TMEM132B: variants seen among roughly 807,000 people sequenced by gnomAD.
TMEM132B encodes the protein transmembrane protein 132B.
Under a neutral mutation model 90.8 loss-of-function variants are expected in TMEM132B, and 18 were observed. The ratio of observed to expected loss-of-function variants is 0.20; its 90% CI spans 0.14 to 0.29. The LOEUF (loss-of-function observed/expected upper bound fraction) is 0.29, where lower values mean the gene tolerates loss of function less well. Among genes scored for constraint, TMEM132B ranks in the 10% least tolerant of loss-of-function variants. TMEM132B has a pLI of 1.00. For missense variants in TMEM132B, 1,096 were observed against 1,326.8 expected, an observed-to-expected ratio of 0.83 and a Z score of 2.70; for synonymous variants, 504 against 523.3, an observed-to-expected ratio of 0.96 and a Z score of 0.50.
chr12:125,337,070 T>G (rs1255063784), intron 1 of TMEM132B, among the ~76,000 whole-genome samples: 1 of 152,218 alleles, frequency 6.6e-6, no homozygotes, highest in Non-Finnish European at 1.5e-5. Context: ...CCCCTGCATC[T>G]GGCATGGCAT....
At chr12:125,203,344 C>T (rs1873108784) in intron 1 of TMEM132B, among the ~76,000 whole-genome samples, 1 of 152,168 alleles carries the variant, frequency 6.6e-6, no homozygotes, top group African/African-American at 2.4e-5. Flanking sequence ...GTTGATGCTA[C>T]CCCCTAGAGG....
chr12:125,534,770 A>G (rs1010314044), intron 4 of TMEM132B, among the ~76,000 whole-genome samples: 14 of 152,080 alleles, frequency 9.2e-5, no homozygotes, highest in Non-Finnish European at 2.1e-4. Context: ...GCTCTTTCAG[A>G]TGCCACAATT....
At chr12:125,193,375 T>C (rs1029591811) in intron 1 of TMEM132B, among the ~76,000 whole-genome samples, 1 of 152,198 alleles carries the variant, frequency 6.6e-6, no homozygotes, top group African/African-American at 2.4e-5. Flanking sequence ...TTTGCCTCAA[T>C]TTCCCTGCCC....
At chr12:125,336,236 T>C (rs1192057828) in intron 1 of TMEM132B, among the ~76,000 whole-genome samples, 1 of 152,226 alleles carries the variant, frequency 6.6e-6, no homozygotes, top group Admixed American at 6.5e-5. Context: ...GTAAGTGCAC[T>C]TGGACAGCAT....
intron 1 of TMEM132B, among the ~76,000 whole-genome samples, chr12:125,286,683 T>C (rs894100931): frequency 3.9e-5 from 6 of 152,072 alleles, no homozygotes; most frequent in African/African-American, 1.2e-4. Flanking sequence ...CTGTGTTCCT[T>C]CTGAGGCTCT....
intron 5 of TMEM132B, among the ~76,000 whole-genome samples, chr12:125,639,929 A>C (rs1346734152): frequency 6.6e-6 from 1 of 152,202 alleles, no homozygotes; most frequent in Non-Finnish European, 1.5e-5. Flanking sequence ...TCACCTGATA[A>C]AACGCCTCAA....
intron 4 of TMEM132B, among the ~76,000 whole-genome samples, chr12:125,545,530 C>T (rs1303940942): frequency 2.6e-5 from 4 of 152,232 alleles, no homozygotes; most frequent in African/African-American, 9.6e-5. Context: ...CCCTGCCACA[C>T]AGACACGAGA....
At chr12:125,469,792 C>T (rs1881662254) in intron 3 of TMEM132B, among the ~76,000 whole-genome samples, 1 of 152,180 alleles carries the variant, frequency 6.6e-6, no homozygotes, top group Non-Finnish European at 1.5e-5. Context: ...AGTATTCTTT[C>T]TCTGATTTTC....
intron 1 of TMEM132B, among the ~76,000 whole-genome samples, chr12:125,280,440 G>C (rs1565991241): frequency 6.6e-6 from 1 of 152,226 alleles, no homozygotes; most frequent in Non-Finnish European, 1.5e-5. Context: ...GTATCAGTGA[G>C]AATAAGCTGG....
chr12:125,363,987 A>C (rs1183024398), intron 2 of TMEM132B, among the ~76,000 whole-genome samples: 2 of 152,238 alleles, frequency 1.3e-5, no homozygotes, highest in African/African-American at 4.8e-5. Flanking sequence ...CCAAGATTTG[A>C]GGCTAAGTGG....
intron 3 of TMEM132B, among the ~76,000 whole-genome samples, chr12:125,447,569 TCA>T (rs1881040502): frequency 6.6e-6 from 1 of 152,202 alleles, no homozygotes; most frequent in African/African-American, 2.4e-5. Flanking sequence ...TAGTCAACAC[TCA>T]CATATATTAC....
intron 5 of TMEM132B, among the ~76,000 whole-genome samples, chr12:125,596,815 G>T (rs1052761363): frequency 6.6e-6 from 1 of 152,172 alleles, no homozygotes; most frequent in Non-Finnish European, 1.5e-5. Context: ...GACATCCTTT[G>T]TGTCTAACAA....
In TMEM132B at chr12:125,209,727, C is replaced by T. The variant is rs1026266094; in HGVS notation, c.67+22861C>T. 6.6e-6 allele frequency among the ~76,000 whole-genome samples: 1 copy of T among 152,158 alleles called. No homozygotes were observed. Among genetic ancestry groups the T allele is most frequent in the Non-Finnish European group, 1.5e-5 (1 of 68,028 alleles). ...TGGCCCTTCTTTGTTCCATGAGTTT[C>T]CTTTGTTATCTGATGGAATGCAAGG... is the stretch of plus-strand genomic sequence containing the variant. On this transcript the variant is annotated intron_variant, in intron 1 of 8. Coordinates refer to ENST00000682704, the MANE Select transcript of TMEM132B (RefSeq NM_001366854.1). The surrounding 1 kb of genome is among the most constrained non-coding windows in gnomAD (Gnocchi z 4.4).
intron 1 of TMEM132B, among the ~76,000 whole-genome samples, chr12:125,258,733 G>A (rs1479588131): frequency 2.6e-5 from 4 of 152,062 alleles, no homozygotes; most frequent in South Asian, 2.1e-4. Context: ...CATGGGACGC[G>A]GTATGCTGCT....
chr12:125,239,485 C>T (rs926363893), intron 1 of TMEM132B, among the ~76,000 whole-genome samples: 1 of 152,114 alleles, frequency 6.6e-6, no homozygotes, highest in Non-Finnish European at 1.5e-5. Context: ...CCACTGGATC[C>T]TCGTCTCTTT....
chr12:125,461,402 C>T (rs1422926528), intron 3 of TMEM132B, among the ~76,000 whole-genome samples: 3 of 152,220 alleles, frequency 2.0e-5, no homozygotes, highest in Non-Finnish European at 4.4e-5. Context: ...TCACTGTCAC[C>T]AGGCTGATCA....
intron 3 of TMEM132B, among the ~76,000 whole-genome samples, chr12:125,427,156 C>T (rs79102305): frequency 0.034 from 5,179 of 152,186 alleles, 122 homozygotes; most frequent in Middle Eastern, 0.058. Flanking sequence ...TGGGGCTGGA[C>T]GATCTTAGAG....
intron 1 of TMEM132B, among the ~76,000 whole-genome samples, chr12:125,308,597 C>A (rs1876049290): frequency 6.6e-6 from 1 of 152,114 alleles, no homozygotes; most frequent in African/African-American, 2.4e-5. Context: ...TACAATTCTA[C>A]TAGCAGGATG....
At chr12:125,455,298 C>T (rs1329960187) in intron 3 of TMEM132B, among the ~76,000 whole-genome samples, 1 of 152,006 alleles carries the variant, frequency 6.6e-6, no homozygotes, top group Non-Finnish European at 1.5e-5. Context: ...TCTTGGGAAC[C>T]GAGGGGCTTA....
Sources: gnomAD v4.1 joint callset for allele counts (sites outside exome capture counted in the v4.1 genomes callset) on GRCh38, gnomAD v4.1.1 for gene constraint, Gnocchi (gnomAD v3.1) non-coding constraint, MANE v1.5 for transcripts, NCBI Gene and HGNC (gene_info 2026-07-23, HGNC 2026-07-21) for gene names.